CCDC194: variants seen among roughly 807,000 people sequenced by gnomAD.
CCDC194 encodes the protein coiled-coil domain containing 194.
In CCDC194, 8 loss-of-function variants were observed where a neutral mutation model predicts 4.9. The observed-to-expected ratio is 1.65, with a 90% CI of 0.97 to 2.97. The LOEUF (loss-of-function observed/expected upper bound fraction) is 2.97. Ranked by LOEUF, CCDC194 falls within the 30% of genes most tolerant of loss-of-function variation. The pLI is 0.00. For synonymous variants in CCDC194, 13 were observed against 17.0 expected, an observed-to-expected ratio of 0.76 and a Z score of 0.58; for missense variants, 52 against 43.1, an observed-to-expected ratio of 1.21 and a Z score of -0.58.
downstream of CCDC194, among the ~76,000 whole-genome samples, chr19:17,389,731 C>T (rs565824023): frequency 2.0e-5 from 3 of 152,200 alleles, no homozygotes; most frequent in African/African-American, 4.8e-5. Context: ...TTTGGGAGGC[C>T]GGGTGGGCGG....
intron 2 of CCDC194, 118 bp downstream of exon 2, chr19:17,391,632 T>C: frequency 6.5e-7 from 1 of 1,530,022 alleles, no homozygotes; most frequent in Non-Finnish European, 8.7e-7. Flanking sequence ...TCATAAGTTT[T>C]TGCGTTTATA....
At chr19:17,391,595 G>A (rs2074654919) in intron 2 of CCDC194, 155 bp downstream of exon 2, 10 of 1,492,710 alleles carry the variant, frequency 6.7e-6, no homozygotes, top group Non-Finnish European at 1.8e-6. Flanking sequence ...ACATTTGCAT[G>A]GCCTCTGCAT....
intron 1 of CCDC194, 99 bp from the exon 2 acceptor site, chr19:17,391,945 C>T (rs759380101): frequency 5.3e-5 from 60 of 1,131,752 alleles, no homozygotes; most frequent in Non-Finnish European, 7.0e-5. Flanking sequence ...ACCTGCGACC[C>T]TGTGTCCTGA....
At chr19:17,391,417 T>G in intron 2 of CCDC194, 74 bp from the exon 3 acceptor site, 1 of 507,914 alleles carries the variant, frequency 2.0e-6, no homozygotes, top group Non-Finnish European at 3.4e-6. Flanking sequence ...GAATCCAAGT[T>G]GATAGTCTGC....
At position 17,390,605 on chromosome 19, in the gene CCDC194, G is replaced by C; in HGVS notation, c.609C>G (p.Pro203=). 2.5e-6 allele frequency: 1 copy of C among 397,904 alleles called. No homozygotes were observed. The highest frequency in any genetic ancestry group is 4.4e-6 in the Non-Finnish European group (1 of 225,580). 24.6% of individuals were successfully genotyped at this position (397,904 alleles called of 1,614,324 possible). A position where few individuals can be genotyped will look rare whatever the true frequency, so the allele number is the denominator to read the frequency against. ...TGGGCCGGGGTCGGGACCCCGAGCG[G>C]GGACGCGGCCGGGGCACTCTGCGCT... is the stretch of plus-strand genomic sequence containing the variant. The change falls in exon 4 of 4, where the codon CCC becomes CCG. Residue 203 remains proline, a synonymous_variant. Transcript: ENST00000636079. This position sits in a 1 kb window ranked among gnomAD's most constrained non-coding sequence, Gnocchi z 5.5.
chr19:17,391,604 A>C, intron 2 of CCDC194, 146 bp downstream of exon 2: 1 of 1,518,372 alleles, frequency 6.6e-7, no homozygotes, highest in Non-Finnish European at 8.8e-7. Flanking sequence ...TGGCCTCTGC[A>C]TGTTGTTTGC....
chr19:17,392,910 G>A (rs1308626500), intron 1 of CCDC194, among the ~76,000 whole-genome samples: 1 of 152,128 alleles, frequency 6.6e-6, no homozygotes, highest in Non-Finnish European at 1.5e-5. Context: ...TCGAACTCTT[G>A]ACCTCAACTG....
At position 17,390,663 on chromosome 19, in the gene CCDC194, C is replaced by T. The variant is rs1180438597; in HGVS notation, c.555-4G>A. ...CATCTCGGCTTCCAGGACGTTACTG[C>T]CGGGAAGGGGGAAGGGGGCTGTCAG... On this transcript the variant is annotated splice_region_variant and splice_polypyrimidine_tract_variant and intron_variant, in intron 3 of 3. Coordinates refer to ENST00000636079, the Ensembl canonical transcript of CCDC194. This position sits in a 1 kb window ranked among gnomAD's most constrained non-coding sequence, Gnocchi z 5.5. 2.8e-5 allele frequency: 11 copies of T among 397,834 alleles called. No homozygotes were observed. The highest frequency in any genetic ancestry group is 2.1e-4 in the East Asian group (6 of 28,054). 24.6% of individuals were successfully genotyped at this position (397,834 alleles called of 1,614,324 possible).
At chr19:17,392,975 C>A (rs560745145) in intron 1 of CCDC194, among the ~76,000 whole-genome samples, 3 of 152,312 alleles carry the variant, frequency 2.0e-5, no homozygotes, top group Admixed American at 6.5e-5. Flanking sequence ...AGCCACTGCG[C>A]CCGGCCCCAT....
At chr19:17,392,608 G>A (rs8107160) in intron 1 of CCDC194, among the ~76,000 whole-genome samples, 106,915 of 152,174 alleles carry the variant, frequency 0.7, 40,881 homozygotes, top group Non-Finnish European at 0.88. Flanking sequence ...TCCTCAGTGC[G>A]TCTTACAGCA....
At chr19:17,387,832 T>C (rs533703472), downstream of CCDC194, among the ~76,000 whole-genome samples, 1 of 152,306 alleles carries the variant, frequency 6.6e-6, no homozygotes, top group East Asian at 1.9e-4. Context: ...GGTGGTTGCA[T>C]AGCGTTCCAC....
At chr19:17,393,928 G>C in exon 1 of CCDC194, 1 of 396,896 alleles carries the variant, frequency 2.5e-6, no homozygotes, top group Non-Finnish European at 4.4e-6. Context: ...CCTCCCGCTC[G>C]GCAGCCTCTG....
downstream of CCDC194, among the ~76,000 whole-genome samples, chr19:17,389,120 G>A (rs558722164): frequency 9.8e-5 from 15 of 152,304 alleles, no homozygotes; most frequent in Admixed American, 2.0e-4. Flanking sequence ...GATTACAGGC[G>A]TGAGCCACCA....
exon 3 of CCDC194, chr19:17,391,269 C>G: frequency 2.4e-6 from 1 of 410,852 alleles, no homozygotes; most frequent in Non-Finnish European, 4.3e-6. Flanking sequence ...GCCTCCGCCA[C>G]GCCTGCGCGC....
At chr19:17,394,069 G>A in exon 1 of CCDC194, 2 of 389,750 alleles carry the variant, frequency 5.1e-6, no homozygotes, top group East Asian at 7.4e-5. Context: ...CCAGGGCCCC[G>A]CCGGCTGCTG....
chr19:17,387,465 C>T (rs147490484), downstream of CCDC194, among the ~76,000 whole-genome samples: 2,190 of 152,162 alleles, frequency 0.014, 52 homozygotes, highest in African/African-American at 0.051. Context: ...GGCCTGTAAT[C>T]CCAGCACTTT....
Position 17,390,596 on chromosome 19 carries a change from C to T in CCDC194, c.618G>A (p.Gly206=), listed in dbSNP as rs2074650548. ...AGCGAGGGCTGGGCCGGGGTCGGGA[C>T]CCCGAGCGGGGACGCGGCCGGGGCA... is the stretch of plus-strand genomic sequence containing the variant. Residue 206 remains glycine (G), a synonymous_variant, in exon 4 of 4, where the codon GGG becomes GGA. Coordinates refer to ENST00000636079, the Ensembl canonical transcript of CCDC194. This position sits in a 1 kb window ranked among gnomAD's most constrained non-coding sequence, Gnocchi z 5.5. 2.5e-6 allele frequency: 1 copy of T among 397,702 alleles called. No homozygotes were observed. Among genetic ancestry groups the T allele is most frequent in the African/African-American group, 2.1e-5 (1 of 48,572 alleles). The allele number at this position is 397,702 out of a possible 1,614,324, so 24.6% of individuals were successfully genotyped here.
In CCDC194 at chr19:17,392,478, A is replaced by C. The variant is rs185036063; in HGVS notation, c.325-632T>G. ...AAAGAGCATGACTCCGTCTCAGAAC[A>C]AACAAACCCAGCAACAACAAAAACC... On this transcript the variant is annotated intron_variant, in intron 1 of 3. Coordinates refer to ENST00000636079, the Ensembl canonical transcript of CCDC194. 7.2e-4 allele frequency among the ~76,000 whole-genome samples: 110 copies of C among 152,280 alleles called. No individual in the cohort carries two copies. In the East Asian group the frequency reaches 0.019, roughly 26 times the overall value.
chr19:17,391,078 T>G, intron 3 of CCDC194, 133 bp downstream of exon 3: 1 of 271,332 alleles, frequency 3.7e-6, no homozygotes, highest in Non-Finnish European at 6.0e-6. Flanking sequence ...CCCTATTAAA[T>G]CAACAATGCC....
Sources: allele counts gnomAD v4.1 joint callset (sites outside exome capture counted in the v4.1 genomes callset), GRCh38; gene constraint gnomAD v4.1.1; non-coding constraint Gnocchi (gnomAD v3.1); transcripts MANE v1.5; gene names NCBI Gene and HGNC (gene_info 2026-07-23, HGNC 2026-07-21).